MIPOL1: variants seen among roughly 807,000 people sequenced by gnomAD.
MIPOL1 encodes the protein mirror-image polydactyly 1.
A neutral mutation model predicts 60.9 loss-of-function variants in MIPOL1; 57 were observed. The observed-to-expected ratio is 0.94, with a 90% CI of 0.76 to 1.17. The LOEUF (loss-of-function observed/expected upper bound fraction) is 1.17, where lower values mean the gene tolerates loss of function less well. Among genes scored for constraint, MIPOL1 ranks in the 50% most tolerant of loss-of-function variants. The pLI is 0.00. For missense variants in MIPOL1, 551 were observed against 511.6 expected (o/e 1.08, Z -0.74); for synonymous variants, 179 against 168.8 (o/e 1.06, Z -0.47).
chr14:37,206,126 C>T (rs1174813926), intron 1 of MIPOL1, among the ~76,000 whole-genome samples: 1 of 152,120 alleles, frequency 6.6e-6, no homozygotes, highest in South Asian at 2.1e-4. Context: ...CAGGGTATGT[C>T]AGAGGTCTTC....
At chr14:37,329,190 T>C (rs1383543415) in intron 9 of MIPOL1, among the ~76,000 whole-genome samples, 1 of 152,010 alleles carries the variant, frequency 6.6e-6, no homozygotes, top group Non-Finnish European at 1.5e-5. Flanking sequence ...GTTTGAATGA[T>C]GTTCCTGGAC....
intron 11 of MIPOL1, among the ~76,000 whole-genome samples, chr14:37,455,850 C>T (rs1019822201): frequency 3.9e-5 from 6 of 151,966 alleles, no homozygotes; most frequent in Non-Finnish European, 7.4e-5. Context: ...GTGAAAATTA[C>T]GTGATTTTAA....
At chr14:37,316,976 T>TAAAC (rs530262345) in intron 9 of MIPOL1, among the ~76,000 whole-genome samples, 3,144 of 152,066 alleles carry the variant, frequency 0.021, 48 homozygotes, top group South Asian at 0.034. Context: ...AGACTCCATC[T>TAAAC]AAACAAACAA....
Position 37,350,078 on chromosome 14 carries a change from T to C in MIPOL1, c.829-19439T>C, listed in dbSNP as rs76960767. 1.4e-3 allele frequency among the ~76,000 whole-genome samples: 217 copies of C among 152,336 alleles called. 3 individuals are homozygous for C. The East Asian group carries it at 0.034, about 24-fold the overall frequency. ...TTTCCTGTCTCTTTCTGTATTCTTT[T>C]TCCTCTTTTCAGAAACAGGGTCTCA... On this transcript the variant is annotated intron_variant, in intron 9 of 12. Transcript: ENST00000684589.
intron 9 of MIPOL1, among the ~76,000 whole-genome samples, chr14:37,337,354 ATATTTTTTTTTTT>A (rs1264836443): frequency 3.4e-4 from 11 of 32,642 alleles, no homozygotes; most frequent in Admixed American, 6.5e-4. Flanking sequence ...ATATATATAT[ATATTTTTTTTTTT>A]TTTTTTTTTT....
chr14:37,206,118 G>C (rs1447539817), intron 1 of MIPOL1, among the ~76,000 whole-genome samples: 1 of 152,152 alleles, frequency 6.6e-6, no homozygotes, highest in African/African-American at 2.4e-5. Context: ...AATGTCCCCA[G>C]GGTATGTCAG....
chr14:37,359,930 C>A (rs1339369284), intron 9 of MIPOL1, among the ~76,000 whole-genome samples: 2 of 152,146 alleles, frequency 1.3e-5, no homozygotes, highest in African/African-American at 4.8e-5. Context: ...AGTTTTTTCC[C>A]ATTCAGTATA....
At chr14:37,532,984 A>C (rs750296783) in intron 12 of MIPOL1, among the ~76,000 whole-genome samples, 5 of 152,146 alleles carry the variant, frequency 3.3e-5, no homozygotes, top group Admixed American at 6.5e-5. Context: ...TTTGTACACT[A>C]TTTTGTGATA....
chr14:37,391,359 T>C (rs2093232504), intron 10 of MIPOL1, among the ~76,000 whole-genome samples: 2 of 151,362 alleles, frequency 1.3e-5, no homozygotes, highest in Non-Finnish European at 2.9e-5. Flanking sequence ...GAAGGATAAA[T>C]GTGTTTGGAA....
intron 11 of MIPOL1, among the ~76,000 whole-genome samples, chr14:37,447,681 A>T (rs1200604987): frequency 1.3e-5 from 2 of 152,180 alleles, no homozygotes; most frequent in Non-Finnish European, 2.9e-5. Flanking sequence ...CAGAACAATG[A>T]TATGTGACTG....
At chr14:37,303,111 A>G (rs181713542) in intron 7 of MIPOL1, among the ~76,000 whole-genome samples, 108 of 152,014 alleles carry the variant, frequency 7.1e-4, no homozygotes, top group African/African-American at 2.5e-3. Context: ...TTTATGCTTT[A>G]AAAAAATCAA....
At chr14:37,515,301 A>T (rs1467537641) in intron 12 of MIPOL1, among the ~76,000 whole-genome samples, 1 of 152,066 alleles carries the variant, frequency 6.6e-6, no homozygotes, top group Non-Finnish European at 1.5e-5. Context: ...TGAAAAAAAA[A>T]AAAAGCTATA....
chr14:37,209,102 C>A (rs928316878), intron 1 of MIPOL1, among the ~76,000 whole-genome samples: 1 of 152,114 alleles, frequency 6.6e-6, no homozygotes, highest in African/African-American at 2.4e-5. Flanking sequence ...TGTAAATGTT[C>A]TTTTCCTATT....
intron 10 of MIPOL1, among the ~76,000 whole-genome samples, chr14:37,381,297 A>G (rs1335342526): frequency 6.6e-6 from 1 of 152,066 alleles, no homozygotes; most frequent in Non-Finnish European, 1.5e-5. Context: ...TAAAGTTTAA[A>G]AGTAGAAAAA....
chr14:37,523,967 CTTG>C (rs2095430328), intron 12 of MIPOL1, among the ~76,000 whole-genome samples: 1 of 152,042 alleles, frequency 6.6e-6, no homozygotes, highest in African/African-American at 2.4e-5. Context: ...AATAACTTGG[CTTG>C]TTGGAGAAAC....
In MIPOL1 at chr14:37,270,530, A is replaced by G. The variant is rs1418190180; in HGVS notation, c.493+5A>G. ...AAATTGCTGAAAAGACAGCAGGTAT[A>G]GTAGAGGAGTATTAACACATGGCTT... On this transcript the variant is annotated splice_donor_5th_base_variant and intron_variant, in intron 6 of 12. Transcript: ENST00000684589. 7 of 1,505,590 alleles carry G rather than the reference A, an allele frequency of 4.6e-6. No homozygotes were observed. Among genetic ancestry groups the G allele is most frequent in the Middle Eastern group, 1.7e-4 (1 of 5,772 alleles). The allele number at this position is 1,505,590 out of a possible 1,614,324, so 93.3% of individuals were successfully genotyped here.
At chr14:37,370,966 T>C (rs1477180929) in intron 10 of MIPOL1, among the ~76,000 whole-genome samples, 1 of 152,174 alleles carries the variant, frequency 6.6e-6, no homozygotes, top group Non-Finnish European at 1.5e-5. Flanking sequence ...GATATGGCAG[T>C]CTCCATTTAA....
intron 7 of MIPOL1, among the ~76,000 whole-genome samples, chr14:37,289,416 A>G (rs2084860392): frequency 6.6e-6 from 1 of 152,236 alleles, no homozygotes; most frequent in Non-Finnish European, 1.5e-5. Context: ...AAAATCGTTA[A>G]GTCCAGGCCT....
chr14:37,374,039 C>T (rs968543576), intron 10 of MIPOL1, among the ~76,000 whole-genome samples: 1 of 152,120 alleles, frequency 6.6e-6, no homozygotes, highest in African/African-American at 2.4e-5. Flanking sequence ...ATCCTCTCCA[C>T]CATCTGTTGT....
Sources: gnomAD v4.1 joint callset for allele counts (sites outside exome capture counted in the v4.1 genomes callset) on GRCh38, gnomAD v4.1.1 for gene constraint, MANE v1.5 for transcripts, NCBI Gene and HGNC (gene_info 2026-07-23, HGNC 2026-07-21) for gene names.